SNTG1: variants seen among roughly 807,000 people sequenced by gnomAD.
The protein encoded by SNTG1 is gamma-1-syntrophin.
In SNTG1, 39 loss-of-function variants were observed where a neutral mutation model predicts 74.7. The ratio of observed to expected loss-of-function variants is 0.52; its 90% CI spans 0.40 to 0.68. The LOEUF is 0.68. SNTG1 is among the 30% of genes least tolerant of loss of function. The probability of loss-of-function intolerance (pLI) is 0.00; values close to 1 mark genes in which losing one functional copy is unlikely to be tolerated. For missense variants in SNTG1, 685 were observed against 609.5 expected, an observed-to-expected ratio of 1.12 and a Z score of -1.30; for synonymous variants, 254 against 217.1, an observed-to-expected ratio of 1.17 and a Z score of -1.49.
chr8:50,162,245 G>C (rs1473668713), intron 1 of SNTG1, among the ~76,000 whole-genome samples: 1 of 152,114 alleles, frequency 6.6e-6, no homozygotes, highest in Non-Finnish European at 1.5e-5. Context: ...GCTGCCCAGA[G>C]TGAACCCTGC....
intron 1 of SNTG1, among the ~76,000 whole-genome samples, chr8:50,000,826 T>C (rs571812380): frequency 6.6e-6 from 1 of 152,358 alleles, no homozygotes; most frequent in African/African-American, 2.4e-5. Context: ...TTATCCTTCC[T>C]GTCAGTAGCA....
intron 9 of SNTG1, among the ~76,000 whole-genome samples, chr8:50,503,638 C>T (rs974927289): frequency 3.3e-5 from 5 of 152,060 alleles, no homozygotes; most frequent in East Asian, 1.9e-4. Context: ...TTTATTCTGG[C>T]GTCTTTCATT....
At position 50,501,425 on chromosome 8, in the gene SNTG1, GTTTTTTT is replaced by G. The variant is rs59123896; in HGVS notation, c.364-1330_364-1324del. Among the ~76,000 whole-genome samples, 3 of 57,098 alleles carry G rather than the reference GTTTTTTT, an allele frequency of 5.3e-5. No homozygotes were observed. The East Asian group carries it at 1.6e-3, about 31-fold the overall frequency. The allele number at this position is 57,098 out of a possible 152,430, so 37.5% of individuals were successfully genotyped here. On this transcript the variant is annotated intron_variant, in intron 8 of 18. Coordinates refer to ENST00000642720, the MANE Select transcript of SNTG1 (RefSeq NM_018967.5). ...GGAGCAGAGAGAGATGAGCCTGTGC[GTTTTTTT>G]TTTTTTTTTTTTTTTTTTTTTTCAC...
chr8:50,070,510 T>C (rs757217162), intron 1 of SNTG1, among the ~76,000 whole-genome samples: 1 of 152,178 alleles, frequency 6.6e-6, no homozygotes, highest in African/African-American at 2.4e-5. Flanking sequence ...TAAATACCCA[T>C]GCACCTGTGA....
intron 1 of SNTG1, among the ~76,000 whole-genome samples, chr8:50,157,501 A>G (rs16914330): frequency 0.11 from 16,561 of 152,154 alleles, 2,959 homozygotes; most frequent in African/African-American, 0.37. Flanking sequence ...CACAAAATAC[A>G]TATTATTCAA....
chr8:50,571,785 A>C (rs534129571), intron 12 of SNTG1, among the ~76,000 whole-genome samples: 1 of 152,194 alleles, frequency 6.6e-6, no homozygotes, highest in Non-Finnish European at 1.5e-5. Flanking sequence ...CAGGCATAGG[A>C]GTAAAGAGGT....
chr8:50,791,626 AAC>A (rs2095690821), intron 18 of SNTG1, among the ~76,000 whole-genome samples: 1 of 151,850 alleles, frequency 6.6e-6, no homozygotes, highest in Non-Finnish European at 1.5e-5. Flanking sequence ...GTAAGTTGTA[AAC>A]ACAGTCATGT....
chr8:50,054,491 T>C (rs1489692519), intron 1 of SNTG1, among the ~76,000 whole-genome samples: 1 of 152,104 alleles, frequency 6.6e-6, no homozygotes, highest in African/African-American at 2.4e-5. Flanking sequence ...CATACTTATA[T>C]TACTGAACAA....
At chr8:49,957,919 G>A (rs1810325384) in intron 1 of SNTG1, among the ~76,000 whole-genome samples, 2 of 152,250 alleles carry the variant, frequency 1.3e-5, no homozygotes, top group African/African-American at 2.4e-5. Flanking sequence ...GGGCAACAGA[G>A]TGAGATTGCA....
chr8:50,639,220 T>TAAAA (rs33934276), intron 13 of SNTG1, among the ~76,000 whole-genome samples: 2 of 147,932 alleles, frequency 1.4e-5, no homozygotes, highest in South Asian at 2.1e-4. Context: ...GCTTTTCAGT[T>TAAAA]AAAAAAAAAA....
At chr8:50,261,027 A>G (rs1266183224) in intron 2 of SNTG1, among the ~76,000 whole-genome samples, 3 of 152,232 alleles carry the variant, frequency 2.0e-5, no homozygotes, top group East Asian at 1.9e-4. Context: ...TTAATTTCAC[A>G]GAGCAGACTA....
chr8:49,919,482 C>G (rs1806339004), intron 1 of SNTG1, among the ~76,000 whole-genome samples: 1 of 152,110 alleles, frequency 6.6e-6, no homozygotes, highest in South Asian at 2.1e-4. Flanking sequence ...TTCTAAGTCA[C>G]TGAATTTATC....
At chr8:50,005,280 T>A (rs775597920) in intron 1 of SNTG1, among the ~76,000 whole-genome samples, 19 of 152,030 alleles carry the variant, frequency 1.2e-4, no homozygotes, top group Non-Finnish European at 2.6e-4. Flanking sequence ...TAAAAACTAT[T>A]ATTTTATTTT....
chr8:50,330,790 T>A (rs2090932763), intron 2 of SNTG1, among the ~76,000 whole-genome samples: 1 of 152,172 alleles, frequency 6.6e-6, no homozygotes, highest in Middle Eastern at 3.4e-3. Flanking sequence ...ACAGACAGCA[T>A]GTGGGGAGGA....
intron 2 of SNTG1, among the ~76,000 whole-genome samples, chr8:50,327,219 T>G (rs1029891883): frequency 3.3e-5 from 5 of 152,168 alleles, no homozygotes; most frequent in African/African-American, 4.8e-5. Context: ...ATAAGCTTAC[T>G]GCCTTTATGT....
At chr8:50,105,977 C>A (rs1397807920) in intron 1 of SNTG1, among the ~76,000 whole-genome samples, 1 of 152,034 alleles carries the variant, frequency 6.6e-6, no homozygotes, top group African/African-American at 2.4e-5. Flanking sequence ...CATCTGCAAA[C>A]AAAAATAGTT....
At chr8:50,107,548 T>C (rs2080420467) in intron 1 of SNTG1, among the ~76,000 whole-genome samples, 1 of 150,866 alleles carries the variant, frequency 6.6e-6, no homozygotes. Context: ...AAATGCGGAA[T>C]CAAGGTTTTT....
intron 5 of SNTG1, among the ~76,000 whole-genome samples, chr8:50,441,262 CA>C (rs1446049036): frequency 1.3e-5 from 2 of 152,186 alleles, no homozygotes; most frequent in African/African-American, 2.4e-5. Context: ...CTGTCTCTCT[CA>C]AGCCCTGTCT....
intron 13 of SNTG1, among the ~76,000 whole-genome samples, chr8:50,626,657 C>T (rs1272716792): frequency 6.6e-6 from 1 of 152,222 alleles, no homozygotes; most frequent in Non-Finnish European, 1.5e-5. Flanking sequence ...CCTTAAGGCA[C>T]AGATGGCTCA....
Sources: allele counts gnomAD v4.1 joint callset (sites outside exome capture counted in the v4.1 genomes callset), GRCh38; gene constraint gnomAD v4.1.1; transcripts MANE v1.5; gene names NCBI Gene and HGNC (gene_info 2026-07-23, HGNC 2026-07-21).